DMPK: variants seen among roughly 807,000 people sequenced by gnomAD.
DMPK encodes myotonin-protein kinase.
DMPK carries 32 observed loss-of-function variants against 70.3 expected under a neutral mutation model. The observed-to-expected ratio is 0.46, with a 90% CI of 0.34 to 0.61. DMPK has a LOEUF of 0.61. Among genes scored for constraint, DMPK ranks in the 20% least tolerant of loss-of-function variants. The pLI is 0.01. For missense variants in DMPK, 899 were observed against 886.0 expected, an observed-to-expected ratio of 1.01 and a Z score of -0.19; for synonymous variants, 469 against 390.9, an observed-to-expected ratio of 1.20 and a Z score of -2.36.
intron 1 of DMPK, chr19:45,780,494 C>T (rs1447145481): frequency 2.6e-6 from 3 of 1,142,254 alleles, no homozygotes; most frequent in Admixed American, 7.2e-5. Flanking sequence ...TTTAGTCCTA[C>T]CCCTTATTTA....
intron 9 of DMPK, among the ~76,000 whole-genome samples, chr19:45,773,583 G>A (rs185046805): frequency 7.2e-5 from 11 of 152,312 alleles, no homozygotes; most frequent in East Asian, 1.9e-4. Context: ...GTGAGCTCAC[G>A]AGATATCAAC....
In DMPK at chr19:45,771,637, G is replaced by A. The variant is rs1485626575; in HGVS notation, c.1531C>T (p.Arg511Trp). The change falls in exon 12 of 15, where the codon CGG becomes TGG. Residue 511 changes from arginine (R) to tryptophan (W), a missense_variant. Coordinates refer to ENST00000291270, the MANE Select transcript of DMPK (RefSeq NM_004409.5). ...SQLREAEARNRDLEAHVRQLQ... is the reference protein window; with the variant it reads ...SQLREAEARNWDLEAHVRQLQ... ...TGCCGGACGTGTGCCTCTAGGTCCC[G>A]GTTCCGAGCCTCTGCCTCGCGTAGT... is the stretch of plus-strand genomic sequence containing the variant. The A allele has an allele frequency of 3.1e-6, 5 of 1,614,014 alleles. No individual in the cohort carries two copies. The highest frequency in any genetic ancestry group is 1.7e-5 in the Admixed American group (1 of 60,032).
Position 45,770,611 on chromosome 19 carries a change from A to T in DMPK, c.1767T>A (p.Leu589=). 6.4e-7 allele frequency: 1 copy of T among 1,552,920 alleles called. No homozygotes were observed. The highest frequency in any genetic ancestry group is 8.7e-7 in the Non-Finnish European group (1 of 1,148,312). Residue 589 remains leucine, a synonymous_variant, in exon 15 of 15, where the codon CTT becomes CTA. Coordinates refer to ENST00000291270, the MANE Select transcript of DMPK (RefSeq NM_004409.5). Reference sequence around the variant, plus strand: ...GAACAACGGCGAACAGGAGCAGGGAAAGCGCCTCCGATAGGCCAGGCCTAG... The same window carrying T: ...GAACAACGGCGAACAGGAGCAGGGATAGCGCCTCCGATAGGCCAGGCCTAG... ...RVPRPGLSEA[L]SLLLFAVVLS...
chr19:45,781,484 G>A (rs978188335), intron 1 of DMPK, among the ~76,000 whole-genome samples: 20 of 152,184 alleles, frequency 1.3e-4, no homozygotes, highest in African/African-American at 2.2e-4. Context: ...CCGGGGTGGC[G>A]GGAATGGTGG....
intron 1 of DMPK, among the ~76,000 whole-genome samples, chr19:45,781,723 G>A (rs1251082788): frequency 6.6e-6 from 1 of 152,222 alleles, no homozygotes; most frequent in Non-Finnish European, 1.5e-5. Context: ...TGGAGAGGCT[G>A]GCGCCGAACA....
chr19:45,779,179 C>T, intron 4 of DMPK, 85 bp downstream of exon 4: 5 of 1,420,908 alleles, frequency 3.5e-6, no homozygotes, highest in Non-Finnish European at 5.0e-6. Flanking sequence ...CACCCCCAAT[C>T]CTAGAGCTTC....
chr19:45,770,099 G>A lies in DMPK; in HGVS notation c.*389C>T, dbSNP rs977992719. 2.5e-5 allele frequency: 14 copies of A among 570,896 alleles called. 2 individuals carry two copies. The highest frequency in any genetic ancestry group is 5.3e-5 in the South Asian group (3 of 56,628). 35.4% of individuals were successfully genotyped at this position (570,896 alleles called of 1,614,324 possible). On this transcript the variant is annotated 3_prime_UTR_variant, in exon 15 of 15. Transcript: ENST00000291270. ...CAACGATAGGTGGGGGTGCGTGGAG[G>A]ATGGAACACGGACGGCCCGGCTTGC...
chr19:45,772,794 G>A, intron 9 of DMPK, 42 bp from the exon 10 acceptor site: 1 of 1,233,132 alleles, frequency 8.1e-7, no homozygotes, highest in Non-Finnish European at 1.1e-6. Flanking sequence ...ACAGAATGCT[G>A]ATTCTCTGGT....
intron 9 of DMPK, 86 bp from the exon 10 acceptor site, chr19:45,772,838 C>A (rs1333848728): frequency 4.8e-5 from 33 of 692,318 alleles, no homozygotes; most frequent in Non-Finnish European, 7.0e-5. Flanking sequence ...TGGGTAGGGG[C>A]AGCTGCTTCC....
chr19:45,778,226 C>G lies in DMPK; in HGVS notation c.582-6G>C, dbSNP rs766818029. On this transcript the variant is annotated splice_polypyrimidine_tract_variant and splice_region_variant and intron_variant, in intron 5 of 14. Coordinates refer to ENST00000291270, the MANE Select transcript of DMPK (RefSeq NM_004409.5). ...TGTTGTCGGGTTTGATGTCCCTGCA[C>G]GGAGGAAAAGAGAAGGGTGGGATAA... The G allele has an allele frequency of 6.2e-7, 1 of 1,611,772 alleles. No homozygotes were observed. Among genetic ancestry groups the G allele is most frequent in the Non-Finnish European group, 8.5e-7 (1 of 1,178,632 alleles).
chr19:45,779,817 G>C lies in DMPK; in HGVS notation c.213C>G (p.Phe71Leu), dbSNP rs751845196. Residue 71 changes from phenylalanine (F) to leucine (L), a missense_variant, in exon 2 of 15, where the codon TTC (phenylalanine) becomes TTG (leucine). This residue lies in a region of DMPK where 149 missense variants were observed against 142.5 expected (regional missense o/e 1.05). Coordinates refer to ENST00000291270, the MANE Select transcript of DMPK (RefSeq NM_004409.5). The stretch of plus-strand genomic sequence containing the variant: ...CGCGTCCGATCACCTTCAGAATCTC[G>C]AAGTCGTCCCTCTGCAGTCGGACCT... ...LKEVRLQRDD[F>L]EILKVIGRGA... 1.3e-6 allele frequency: 2 copies of C among 1,585,182 alleles called. No individual in the cohort carries two copies. The highest frequency in any genetic ancestry group is 2.7e-5 in the African/African-American group (2 of 74,180).
chr19:45,778,003 T>G, intron 6 of DMPK, 124 bp downstream of exon 6: 1 of 1,211,820 alleles, frequency 8.3e-7, no homozygotes, highest in East Asian at 2.5e-5. Context: ...GCCACACAGA[T>G]GCACACTTAA....
intron 9 of DMPK, 64 bp downstream of exon 9, chr19:45,774,885 G>T: frequency 1.5e-6 from 2 of 1,299,932 alleles, no homozygotes; most frequent in Non-Finnish European, 1.1e-6. Flanking sequence ...GGCTGCCAAG[G>T]AGCAGGACCC....
chr19:45,781,804 ACCAGGGGAGAGGG>A (rs917257438), intron 1 of DMPK, among the ~76,000 whole-genome samples: 2 of 152,126 alleles, frequency 1.3e-5, no homozygotes, highest in African/African-American at 4.8e-5. Context: ...GCCACAGGAA[ACCAGGGGAGAGGG>A]CCATAGAGCC....
Position 45,782,229 on chromosome 19 carries a change from C to T in DMPK, c.124G>A (p.Ala42Thr), listed in dbSNP as rs774384090. The change falls in exon 1 of 15, where the codon GCC becomes ACC. Residue 42 changes from alanine to threonine, a missense_variant. Ala to Thr is a moderately conservative substitution (Grantham distance 58). This residue lies in a region of DMPK where 149 missense variants were observed against 142.5 expected (regional missense o/e 1.05). Coordinates refer to ENST00000291270, the MANE Select transcript of DMPK (RefSeq NM_004409.5). ...VHQELGASELAQDKYVADFLQ... is the reference protein window; with the variant it reads ...VHQELGASELTQDKYVADFLQ... ...AAGTCGGCCACGTACTTGTCCTGGGCCAGTTCGGAGGCGCCCAGCTCCTGG... is the reference window on the plus strand; with the variant it reads ...AAGTCGGCCACGTACTTGTCCTGGGTCAGTTCGGAGGCGCCCAGCTCCTGG... The T allele has an allele frequency of 3.4e-5, 55 of 1,600,622 alleles. No individual in the cohort carries two copies. The highest frequency in any genetic ancestry group is 4.5e-5 in the Non-Finnish European group (53 of 1,173,532).
intron 1 of DMPK, chr19:45,780,281 A>G (rs1170220585): frequency 1.3e-6 from 2 of 1,530,156 alleles, no homozygotes; most frequent in Non-Finnish European, 1.8e-6. Context: ...CTCATGTAGA[A>G]TGTCCTGGGT....
rs1969285979 is a variant in DMPK at position 45,770,236 on chromosome 19, AGCAGCAGCAGC to A, written c.*241_*251del. ...CAGCAGCAGCAGCAGCAGCAGCAGC[AGCAGCAGCAGC>A]AGCAGCAGCAGCAGCAGCATTCCCG... On this transcript the variant is annotated 3_prime_UTR_variant, in exon 15 of 15. Coordinates refer to ENST00000291270, the MANE Select transcript of DMPK (RefSeq NM_004409.5). The A allele has an allele frequency of 2.2e-6, 1 of 455,178 alleles. No individual in the cohort carries two copies. The highest frequency in any genetic ancestry group is 3.9e-5 in the African/African-American group (1 of 25,590). 28.2% of individuals were successfully genotyped at this position (455,178 alleles called of 1,614,324 possible).
chr19:45,778,584 C>T lies in DMPK; in HGVS notation c.490G>A (p.Gly164Arg). 1 of 1,614,044 alleles carries T rather than the reference C, an allele frequency of 6.2e-7. No individual in the cohort carries two copies. Among genetic ancestry groups the T allele is most frequent in the Admixed American group, 1.7e-5 (1 of 60,034 alleles). ...GCCATCTCGGCCGGAATCCGCTCCC[C>T]AAACTTGCTCAGCAGTGTCAGCAGG... is the stretch of plus-strand genomic sequence containing the variant. ...GDLLTLLSKFGERIPAEMARF... is the reference protein window; with the variant it reads ...GDLLTLLSKFRERIPAEMARF... The change falls in exon 5 of 15, where the codon GGG becomes AGG. Residue 164 changes from glycine (G) to arginine (R), a missense_variant. This residue lies in a region of DMPK where 195 missense variants were observed against 259.7 expected (regional missense o/e 0.75). Coordinates refer to ENST00000291270, the MANE Select transcript of DMPK (RefSeq NM_004409.5).
In DMPK at chr19:45,771,047, G is replaced by C. The variant is rs1485636731; in HGVS notation, c.1661C>G (p.Pro554Arg). The change falls in exon 14 of 15, where the codon CCG becomes CGG. Residue 554 changes from proline (P) to arginine (R), a missense_variant. Pro to Arg is a moderately radical substitution (Grantham distance 103, BLOSUM62 -2). Around this residue, in one of 3 missense-constraint regions of DMPK, gnomAD observed 555 missense variants for 483.8 expected, o/e 1.15. Coordinates refer to ENST00000291270, the MANE Select transcript of DMPK (RefSeq NM_004409.5). ...TDPPSHLDGPPAVAVGQCPLV... is the reference protein window; with the variant it reads ...TDPPSHLDGPRAVAVGQCPLV... ...CGGGCACTGGCCCACAGCCACGGCC[G>C]GGGGGCCATCTAGCTGGAGAGAGAA... The C allele has an allele frequency of 2.0e-6, 3 of 1,513,060 alleles. No individual in the cohort carries two copies. The African/African-American group carries it at 4.2e-5, about 21-fold the overall frequency. 93.7% of individuals were successfully genotyped at this position (1,513,060 alleles called of 1,614,324 possible). A position where few individuals can be genotyped will look rare whatever the true frequency, so the allele number is the denominator to read the frequency against.
Sources: allele counts gnomAD v4.1 joint callset (sites outside exome capture counted in the v4.1 genomes callset), GRCh38; gene constraint gnomAD v4.1.1; regional missense constraint gnomAD v4.1.1; transcripts MANE v1.5; gene names NCBI Gene and HGNC (gene_info 2026-07-23, HGNC 2026-07-21).